The following ERBB4 variants were observed in gnomAD, a reference collection of about 807,000 sequenced individuals.
ERBB4 encodes the protein erb-b2 receptor tyrosine kinase 4.
ERBB4 carries 42 observed loss-of-function variants against 158.0 expected under a neutral mutation model. The observed-to-expected ratio is 0.27, with a 90% confidence interval of 0.21 to 0.34. ERBB4 has a LOEUF of 0.34. Ranked by LOEUF, ERBB4 falls within the 10% of genes least tolerant of loss-of-function variation. ERBB4 has a pLI of 1.00. For synonymous variants in ERBB4, 583 were observed against 558.7 expected, an observed-to-expected ratio of 1.04 and a Z score of -0.61; for missense variants, 1,333 against 1,624.1, an observed-to-expected ratio of 0.82 and a Z score of 3.08.
intron 1 of ERBB4, among the ~76,000 whole-genome samples, chr2:212,312,828 A>C (rs961406545): frequency 2.7e-5 from 4 of 150,934 alleles, no homozygotes; most frequent in African/African-American, 9.7e-5. Context: ...AAGCAAAAGC[A>C]GAACTGAACA....
chr2:211,581,033 G>T (rs1328357820), intron 19 of ERBB4, among the ~76,000 whole-genome samples: 2 of 150,484 alleles, frequency 1.3e-5, no homozygotes, highest in African/African-American at 4.9e-5. Context: ...ACTAAATGCT[G>T]TATGTTCTCA....
chr2:212,512,808 A>C (rs1691599421), intron 1 of ERBB4, among the ~76,000 whole-genome samples: 1 of 152,166 alleles, frequency 6.6e-6, no homozygotes, highest in Non-Finnish European at 1.5e-5. Context: ...TTTTAAGAAA[A>C]AAATGAAAGA....
At chr2:211,685,545 T>C (rs1460049247) in intron 12 of ERBB4, among the ~76,000 whole-genome samples, 2 of 152,218 alleles carry the variant, frequency 1.3e-5, no homozygotes, top group African/African-American at 4.8e-5. Context: ...CTTGAAAATA[T>C]GTGGACTGAA....
intron 1 of ERBB4, among the ~76,000 whole-genome samples, chr2:212,469,786 T>A (rs571118230): frequency 4.6e-5 from 7 of 152,242 alleles, no homozygotes; most frequent in African/African-American, 1.7e-4. Flanking sequence ...TCATGCATAC[T>A]TAATCTTTTT....
At chr2:212,199,779 A>T (rs1467276) in intron 1 of ERBB4, among the ~76,000 whole-genome samples, 142,092 of 151,012 alleles carry the variant, frequency 0.94, 67,026 homozygotes, top group Middle Eastern at 0.99. Context: ...GCTCATATTT[A>T]AAAAAAAAAT....
chr2:212,157,449 T>G (rs899050334), intron 1 of ERBB4, among the ~76,000 whole-genome samples: 4 of 152,150 alleles, frequency 2.6e-5, no homozygotes, highest in Admixed American at 2.6e-4. Context: ...AACATAGTTA[T>G]TGTACTTAAT....
At chr2:212,395,548 C>T (rs1042276183) in intron 1 of ERBB4, among the ~76,000 whole-genome samples, 7 of 151,198 alleles carry the variant, frequency 4.6e-5, no homozygotes, top group Admixed American at 2.6e-4. Context: ...TTATGCTTAC[C>T]GCTATGTGTT....
chr2:212,003,481 G>C lies in ERBB4; in HGVS notation c.235-55865C>G, dbSNP rs377203132. Among the ~76,000 whole-genome samples the C allele has an allele frequency of 8.5e-5, 13 of 152,070 alleles. No individual in the cohort carries two copies. In the East Asian group the frequency reaches 2.5e-3, roughly 29 times the overall value. On this transcript the variant is annotated intron_variant, in intron 2 of 27. Coordinates refer to ENST00000342788, the MANE Select transcript of ERBB4 (RefSeq NM_005235.3). ...GCAGGAGAATAGTGTCTGGAGCCAG[G>C]GAACCTAACAGCCAATTCGTGCTGA...
At chr2:211,624,105 CT>C in intron 17 of ERBB4, 61 bp from the exon 18 acceptor site, 1 of 651,166 alleles carries the variant, frequency 1.5e-6, no homozygotes. Flanking sequence ...CTCTCTCTGT[CT>C]CTCTCTCTCT....
chr2:211,950,889 C>G (rs1289112504), intron 2 of ERBB4, among the ~76,000 whole-genome samples: 1 of 152,150 alleles, frequency 6.6e-6, no homozygotes, highest in Non-Finnish European at 1.5e-5. Flanking sequence ...CCTTCAAACA[C>G]TGTTCTAATG....
intron 23 of ERBB4, 124 bp from the exon 24 acceptor site, chr2:211,422,228 G>C: frequency 3.9e-5 from 24 of 616,022 alleles, no homozygotes; most frequent in Middle Eastern, 3.0e-4. Flanking sequence ...ATCTGAGAAA[G>C]AAAGCAAGCT....
chr2:211,829,416 A>T (rs76817542), intron 3 of ERBB4, among the ~76,000 whole-genome samples: 6,916 of 152,210 alleles, frequency 0.045, 271 homozygotes, highest in Middle Eastern at 0.068. Flanking sequence ...ACTCAAGTTC[A>T]CTTATTTTGG....
intron 1 of ERBB4, among the ~76,000 whole-genome samples, chr2:212,436,915 A>T (rs2092149523): frequency 1.3e-5 from 2 of 151,996 alleles, no homozygotes; most frequent in Non-Finnish European, 2.9e-5. Context: ...CAGGCAAACT[A>T]GAGGTTATAA....
chr2:212,063,030 A>G (rs2077828022), intron 2 of ERBB4, among the ~76,000 whole-genome samples: 1 of 152,230 alleles, frequency 6.6e-6, no homozygotes, highest in African/African-American at 2.4e-5. Context: ...GTCTAATACA[A>G]TGGAAGTGCT....
intron 3 of ERBB4, among the ~76,000 whole-genome samples, chr2:211,889,512 G>A (rs145015849): frequency 0.1 from 15,924 of 151,810 alleles, 993 homozygotes; most frequent in South Asian, 0.23. Flanking sequence ...CCAAAGGAAC[G>A]CAGCTCCTCA....
intron 1 of ERBB4, among the ~76,000 whole-genome samples, chr2:212,402,522 C>G (rs114683542): frequency 1.3e-5 from 2 of 151,914 alleles, no homozygotes; most frequent in Non-Finnish European, 2.9e-5. Flanking sequence ...TGAATAAGAC[C>G]AGTAGATGGT....
intron 1 of ERBB4, among the ~76,000 whole-genome samples, chr2:212,335,656 C>G (rs2088401384): frequency 1.3e-5 from 2 of 151,838 alleles, no homozygotes; most frequent in African/African-American, 4.8e-5. Context: ...ACAAAGTAAC[C>G]ACAGCAATCA....
chr2:211,970,314 A>G (rs1490148071), intron 2 of ERBB4, among the ~76,000 whole-genome samples: 1 of 152,138 alleles, frequency 6.6e-6, no homozygotes, highest in Admixed American at 6.5e-5. Flanking sequence ...TTGTGTAATC[A>G]ATTTTAGAGT....
intron 16 of ERBB4, among the ~76,000 whole-genome samples, chr2:211,635,148 C>T (rs1421672808): frequency 1.3e-5 from 2 of 151,972 alleles, no homozygotes; most frequent in East Asian, 1.9e-4. Context: ...GGTTGAGACC[C>T]CCTAAAGTAT....
Sources: allele counts gnomAD v4.1 joint callset (sites outside exome capture counted in the v4.1 genomes callset), GRCh38; gene constraint gnomAD v4.1.1; transcripts MANE v1.5; gene names NCBI Gene and HGNC (gene_info 2026-07-23, HGNC 2026-07-21).